The following RORA variants were observed in gnomAD, a reference collection of about 807,000 sequenced individuals.
The protein encoded by RORA is nuclear receptor ROR-alpha.
Under a neutral mutation model 69.5 loss-of-function variants are expected in RORA, and 7 were observed. The ratio of observed to expected loss-of-function variants is 0.10; its 90% CI spans 0.06 to 0.19. RORA has a LOEUF of 0.19. RORA is among the 10% of genes least tolerant of loss of function. The pLI is 1.00. For missense variants in RORA, 457 were observed against 663.0 expected, an observed-to-expected ratio of 0.69 and a Z score of 3.41; for synonymous variants, 261 against 240.8, an observed-to-expected ratio of 1.08 and a Z score of -0.78.
At chr15:61,212,539 A>G (rs1197604441) in intron 1 of RORA, among the ~76,000 whole-genome samples, 1 of 152,146 alleles carries the variant, frequency 6.6e-6, no homozygotes, top group Non-Finnish European at 1.5e-5. Context: ...AGCTGGGATT[A>G]CAAGTGCACA....
Position 60,505,541 on chromosome 15 carries a change from A to G in RORA, c.909T>C (p.Phe303=), listed in dbSNP as rs1190767701. Residue 303 remains phenylalanine (F), a synonymous_variant, in exon 6 of 11, where the codon TTT becomes TTC. Transcript: ENST00000335670. ...EELQQITWQT[F]LQEEIENYQN... The stretch of plus-strand genomic sequence containing the variant: ...GATAGTTCTCAATTTCTTCCTGTAA[A>G]AAGGTCTGCCACGTTATCTGCTGGA... 1 of 1,614,020 alleles carries G rather than the reference A, an allele frequency of 6.2e-7. No homozygotes were observed. The highest frequency in any genetic ancestry group is 1.7e-5 in the Admixed American group (1 of 60,018).
Position 60,932,351 on chromosome 15 carries a change from A to T in RORA, c.167-253665T>A, listed in dbSNP as rs914402463. Among the ~76,000 whole-genome samples the T allele has an allele frequency of 1.8e-4, 28 of 152,190 alleles. 1 individual carries two copies. The highest frequency in any genetic ancestry group is 7.4e-5 in the Non-Finnish European group (5 of 68,026). ...GGGCTGGGTCATTCTGGACCGTCCT[A>T]AAGAGAAACCATTAAAAACCATTAA... On this transcript the variant is annotated intron_variant, in intron 1 of 10. Transcript: ENST00000335670.
At position 61,212,372 on chromosome 15, in the gene RORA, C is replaced by T. The variant is rs142472111; in HGVS notation, c.166+16681G>A. Among the ~76,000 whole-genome samples, 910 of 152,244 alleles carry T rather than the reference C, an allele frequency of 6.0e-3. 7 individuals are homozygous for T. The highest frequency in any genetic ancestry group is 0.013 in the Admixed American group (192 of 15,296). On this transcript the variant is annotated intron_variant, in intron 1 of 10. Transcript: ENST00000335670. The stretch of plus-strand genomic sequence containing the variant: ...ACAGCAAAGGGTCTAAAACCTGACT[C>T]TGGGCTTACAAACGTTCTGACTTTA...
At chr15:60,554,357 A>G (rs907676525) in intron 2 of RORA, among the ~76,000 whole-genome samples, 1 of 152,226 alleles carries the variant, frequency 6.6e-6, no homozygotes, top group Non-Finnish European at 1.5e-5. Flanking sequence ...CTTCCTATCA[A>G]TGAGGAATAT....
intron 1 of RORA, among the ~76,000 whole-genome samples, chr15:61,016,651 T>C (rs12592612): frequency 0.17 from 25,621 of 152,024 alleles, 2,274 homozygotes; most frequent in African/African-American, 0.22. Flanking sequence ...ACGCCCATCA[T>C]CTGATGTGGA....
At chr15:61,101,776 G>C (rs2140752239) in intron 1 of RORA, among the ~76,000 whole-genome samples, 1 of 152,228 alleles carries the variant, frequency 6.6e-6, no homozygotes, top group Admixed American at 6.5e-5. Context: ...GTGGACAGCA[G>C]AGGGCAAAAG....
intron 2 of RORA, among the ~76,000 whole-genome samples, chr15:60,624,505 ATGTGTGTGTATATATATATATAG>A (rs2069515030): frequency 1.7e-5 from 1 of 57,804 alleles, no homozygotes; most frequent in Admixed American, 1.7e-4. Flanking sequence ...TATTTGCTGT[ATGTGTGTGTATATATATATATAG>A]TATATATATA....
intron 1 of RORA, among the ~76,000 whole-genome samples, chr15:60,896,888 G>T (rs1891245452): frequency 6.6e-6 from 1 of 152,102 alleles, no homozygotes; most frequent in Non-Finnish European, 1.5e-5. Flanking sequence ...CTTTATCTAA[G>T]TGGGGCCTGA....
intron 2 of RORA, among the ~76,000 whole-genome samples, chr15:60,549,730 C>A (rs540840548): frequency 6.6e-6 from 1 of 152,090 alleles, no homozygotes; most frequent in African/African-American, 2.4e-5. Flanking sequence ...CAAACTATAA[C>A]GTCACTCTCC....
chr15:60,577,644 CAAAA>C (rs34467661), intron 2 of RORA, among the ~76,000 whole-genome samples: 4 of 104,780 alleles, frequency 3.8e-5, no homozygotes, highest in Non-Finnish European at 6.0e-5. Flanking sequence ...ACTCTGTTTC[CAAAA>C]AAAAAAAAAA....
intron 1 of RORA, among the ~76,000 whole-genome samples, chr15:60,982,094 TC>T (rs932472430): frequency 3.9e-5 from 6 of 152,252 alleles, no homozygotes; most frequent in African/African-American, 1.4e-4. Context: ...AATAGAAATA[TC>T]CTTCAACACT....
At chr15:60,584,736 A>G (rs981230916) in intron 2 of RORA, among the ~76,000 whole-genome samples, 24 of 152,208 alleles carry the variant, frequency 1.6e-4, no homozygotes, top group African/African-American at 5.3e-4. Context: ...AAAGAAGGAG[A>G]AAAAAAACCT....
intron 1 of RORA, among the ~76,000 whole-genome samples, chr15:60,802,220 C>A (rs1343846084): frequency 6.6e-6 from 1 of 152,200 alleles, no homozygotes; most frequent in Non-Finnish European, 1.5e-5. Flanking sequence ...ATGGGTCAAC[C>A]GTTACAACCT....
At chr15:60,772,162 C>G (rs1224358305) in intron 1 of RORA, among the ~76,000 whole-genome samples, 1 of 152,064 alleles carries the variant, frequency 6.6e-6, no homozygotes, top group African/African-American at 2.4e-5. Context: ...TACCCATCAA[C>G]TCGTCATTTA....
chr15:60,688,859 AATG>A (rs1157893274), intron 1 of RORA, among the ~76,000 whole-genome samples: 3 of 152,202 alleles, frequency 2.0e-5, no homozygotes, highest in Non-Finnish European at 2.9e-5. Flanking sequence ...TGCCTAAGCC[AATG>A]ACTATAGGGC....
chr15:60,512,471 G>C (rs915467477), intron 4 of RORA, among the ~76,000 whole-genome samples: 5 of 152,186 alleles, frequency 3.3e-5, no homozygotes, highest in Admixed American at 2.6e-4. Context: ...ACTTTATGTA[G>C]AGATGGAGTT....
chr15:60,940,269 G>A (rs1370159779), intron 1 of RORA, among the ~76,000 whole-genome samples: 2 of 152,100 alleles, frequency 1.3e-5, no homozygotes, highest in Non-Finnish European at 2.9e-5. Flanking sequence ...AACCCCAAAG[G>A]CCATCAATTG....
At chr15:60,823,110 TTCTCTCTC>T (rs143703146) in intron 1 of RORA, among the ~76,000 whole-genome samples, 21 of 73,588 alleles carry the variant, frequency 2.9e-4, no homozygotes, top group East Asian at 5.7e-4. Flanking sequence ...ATTCTTCTCT[TTCTCTCTC>T]TCTCTCTCTC....
chr15:60,759,784 A>T (rs2140871044), intron 1 of RORA, among the ~76,000 whole-genome samples: 1 of 152,298 alleles, frequency 6.6e-6, no homozygotes, highest in East Asian at 1.9e-4. Context: ...CCCAAGTATT[A>T]TCTTGCCAGT....
Sources: gnomAD v4.1 joint callset for allele counts (sites outside exome capture counted in the v4.1 genomes callset) on GRCh38, gnomAD v4.1.1 for gene constraint, MANE v1.5 for transcripts, NCBI Gene and HGNC (gene_info 2026-07-23, HGNC 2026-07-21) for gene names.